Variants in SPNS3 observed in about 807,000 individuals in gnomAD.
The protein encoded by SPNS3 is SPNS lysolipid transporter 3, sphingosine-1-phosphate (putative), also known as protein spinster homolog 3.
Under a neutral mutation model 54.4 loss-of-function variants are expected in SPNS3, and 51 were observed. The ratio of observed to expected loss-of-function variants is 0.94; its 90% CI spans 0.75 to 1.18. SPNS3 has a LOEUF of 1.18. SPNS3 is among the 50% of genes most tolerant of loss of function. The pLI, the probability that SPNS3 is intolerant of heterozygous loss-of-function variation, is 0.00. For missense variants in SPNS3, 669 were observed against 677.4 expected (o/e 0.99, Z 0.14); for synonymous variants, 309 against 294.7 (o/e 1.05, Z -0.50).
At chr17:4,447,078 GGT>G (rs3055435) in intron 5 of SPNS3, 116 bp downstream of exon 5, 810,147 of 969,840 alleles carry the variant, frequency 0.84, 348,988 homozygotes, top group Non-Finnish European at 0.88. Context: ...GGGGACGGGG[GGT>G]GGTGGTCAGG....
chr17:4,464,113 G>A (rs1971616163), intron 8 of SPNS3, among the ~76,000 whole-genome samples: 1 of 152,218 alleles, frequency 6.6e-6, no homozygotes, highest in Non-Finnish European at 1.5e-5. Context: ...ATGGAAATGA[G>A]CTTTTCTGAG....
rs939708945 is a variant in SPNS3, at chr17:4,448,070, C to A, written c.622-85C>A. 13 of 1,365,106 alleles carry A rather than the reference C, an allele frequency of 9.5e-6. No individual in the cohort carries two copies. In the African/African-American group the frequency reaches 1.9e-4, roughly 20 times the overall value. 84.6% of individuals were successfully genotyped at this position (1,365,106 alleles called of 1,614,324 possible). The stretch of plus-strand genomic sequence containing the variant: ...TTGGAAACCAGAGGTCAGCCACTGG[C>A]TGATACTGTGGCCAGTTGCCCCCGG... On this transcript the variant is annotated intron_variant, in intron 5 of 11. Coordinates refer to ENST00000355530, the MANE Select transcript of SPNS3 (RefSeq NM_182538.5).
In SPNS3 at chr17:4,445,975, C is replaced by T. The variant is rs571273331; in HGVS notation, c.403-73C>T. On this transcript the variant is annotated intron_variant, in intron 3 of 11. Transcript: ENST00000355530. ...TGTCATGAGGTCCCCTTGGCTCCTC[C>T]GACAAACCCTCGGGTCCCTGGCCCT... 1.9e-4 allele frequency: 285 copies of T among 1,518,890 alleles called. 2 individuals carry two copies. In the South Asian group the frequency reaches 2.4e-3, roughly 13 times the overall value. 94.1% of individuals were successfully genotyped at this position (1,518,890 alleles called of 1,614,324 possible).
intron 8 of SPNS3, among the ~76,000 whole-genome samples, chr17:4,475,450 A>T (rs531329868): frequency 5.2e-4 from 79 of 152,338 alleles, no homozygotes; most frequent in African/African-American, 1.9e-3. Flanking sequence ...GAACGTGCGG[A>T]TGCAAAACGG....
Position 4,486,384 on chromosome 17 carries a change from T to TGGCAGACTC in SPNS3, c.1279-27_1279-19dup. 6.3e-7 allele frequency: 1 copy of TGGCAGACTC among 1,596,374 alleles called. No individual in the cohort carries two copies. The highest frequency in any genetic ancestry group is 8.5e-7 in the Non-Finnish European group (1 of 1,170,016). On this transcript the variant is annotated intron_variant, in intron 10 of 11. Coordinates refer to ENST00000355530, the MANE Select transcript of SPNS3 (RefSeq NM_182538.5). This position sits in a 1 kb window ranked among gnomAD's most constrained non-coding sequence, Gnocchi z 5.5. ...GGTCTGGGGGCCAGGCTGGTGGGCC[T>TGGCAGACTC]GGCAGACTCATCCCTTCTCCTCCGC...
intron 8 of SPNS3, among the ~76,000 whole-genome samples, chr17:4,468,369 C>T (rs1971742878): frequency 6.6e-6 from 1 of 152,042 alleles, no homozygotes; most frequent in Non-Finnish European, 1.5e-5. Flanking sequence ...GTAATATAGG[C>T]AGGAGATAGT....
At chr17:4,439,407 T>C (rs1297642862) in intron 1 of SPNS3, among the ~76,000 whole-genome samples, 1 of 152,204 alleles carries the variant, frequency 6.6e-6, no homozygotes, top group East Asian at 1.9e-4. Flanking sequence ...ATTACAGGCG[T>C]GAGCCACCGT....
intron 8 of SPNS3, among the ~76,000 whole-genome samples, chr17:4,470,507 C>T (rs955515959): frequency 1.3e-5 from 2 of 152,130 alleles, no homozygotes; most frequent in Non-Finnish European, 2.9e-5. Flanking sequence ...CGTACATTCA[C>T]AGAGTTCTAC....
At chr17:4,475,956 C>T (rs1971983941) in intron 8 of SPNS3, among the ~76,000 whole-genome samples, 1 of 152,200 alleles carries the variant, frequency 6.6e-6, no homozygotes, top group Non-Finnish European at 1.5e-5. Flanking sequence ...GCTGCTGGTG[C>T]TGAAGGGCCC....
At chr17:4,472,775 T>C (rs7222659) in intron 8 of SPNS3, among the ~76,000 whole-genome samples, 1 of 5,966 alleles carries the variant, frequency 1.7e-4, no homozygotes, top group Non-Finnish European at 2.9e-4. Context: ...CTTGGCAGCC[T>C]TTTTTTTTTT....
chr17:4,479,543 A>T (rs1597342757), intron 9 of SPNS3, among the ~76,000 whole-genome samples: 1 of 152,218 alleles, frequency 6.6e-6, no homozygotes, highest in South Asian at 2.1e-4. Flanking sequence ...AAGGACTTTG[A>T]ACACATGAAG....
In SPNS3 at chr17:4,449,244, C is replaced by T. The variant is rs7224464; in HGVS notation, c.780C>T (p.Phe260=). Residue 260 remains phenylalanine, a synonymous_variant, in exon 7 of 12, where the codon TTC becomes TTT. Coordinates refer to ENST00000355530, the MANE Select transcript of SPNS3 (RefSeq NM_182538.5). ...DVRYLGKNWS[F]VWSTLGVTAM... is the part of the protein sequence containing the mutation. ...GCACCTCGTCTTGCAGCTGGAGTTT[C>T]GTGTGGTCGACCCTCGGAGTGACCG... is the stretch of plus-strand genomic sequence containing the variant. The T allele has an allele frequency of 0.68, 1,093,388 of 1,609,812 alleles. 381,817 individuals carry two copies. Among genetic ancestry groups the T allele is most frequent in the Non-Finnish European group, 0.72 (849,517 of 1,179,406 alleles).
At chr17:4,443,757 C>T (rs1262416640) in intron 2 of SPNS3, among the ~76,000 whole-genome samples, 1 of 152,216 alleles carries the variant, frequency 6.6e-6, no homozygotes, top group African/African-American at 2.4e-5. Context: ...ATATAAAAGA[C>T]TATGGGAACT....
At chr17:4,444,838 C>T (rs1970940130) in intron 2 of SPNS3, 194 bp from the exon 3 acceptor site, 14 of 677,794 alleles carry the variant, frequency 2.1e-5, no homozygotes, top group Non-Finnish European at 3.3e-5. Flanking sequence ...TTGAGGCCTC[C>T]ACACTCTGGG....
chr17:4,449,354 C>G lies in SPNS3; in HGVS notation c.890C>G (p.Pro297Arg), dbSNP rs1971094204. The change falls in exon 7 of 12, where the codon CCC becomes CGC. Residue 297 changes from proline (P) to arginine (R), a missense_variant. Pro to Arg is a moderately radical substitution (Grantham distance 103, BLOSUM62 -2). Transcript: ENST00000355530. Reference sequence around the variant, plus strand: ...CGCGTGGTTCACGGGCTGCAGCCTCCCTGCTTCCAGGAGCCGTGCAGCAAC... The same window carrying G: ...CGCGTGGTTCACGGGCTGCAGCCTCGCTGCTTCCAGGAGCCGTGCAGCAAC... ...EARVVHGLQPPCFQEPCSNPD... is the reference protein window; with the variant it reads ...EARVVHGLQPRCFQEPCSNPD... 6.2e-7 allele frequency: 1 copy of G among 1,607,334 alleles called. No homozygotes were observed. Among genetic ancestry groups the G allele is most frequent in the African/African-American group, 1.3e-5 (1 of 74,784 alleles).
At chr17:4,467,012 G>C (rs1429498307) in intron 8 of SPNS3, among the ~76,000 whole-genome samples, 1 of 152,166 alleles carries the variant, frequency 6.6e-6, no homozygotes, top group African/African-American at 2.4e-5. Flanking sequence ...AGCCATGTGG[G>C]TGGGGGTGGA....
At chr17:4,475,070 T>C (rs1597338474) in intron 8 of SPNS3, among the ~76,000 whole-genome samples, 1 of 152,226 alleles carries the variant, frequency 6.6e-6, no homozygotes, top group East Asian at 1.9e-4. Flanking sequence ...TGAGCATGGA[T>C]ACTTCTGTGT....
At chr17:4,484,618 G>C (rs1440626995) in intron 9 of SPNS3, among the ~76,000 whole-genome samples, 1 of 152,192 alleles carries the variant, frequency 6.6e-6, no homozygotes, top group Non-Finnish European at 1.5e-5. Flanking sequence ...ACTGTGCCCA[G>C]CTAATATTGA....
chr17:4,486,706 C>T lies in SPNS3; in HGVS notation c.1450+123C>T. 1 of 1,038,320 alleles carries T rather than the reference C, an allele frequency of 9.6e-7. No individual in the cohort carries two copies. Among genetic ancestry groups the T allele is most frequent in the Non-Finnish European group, 1.4e-6 (1 of 735,282 alleles). The allele number at this position is 1,038,320 out of a possible 1,614,324, so 64.3% of individuals were successfully genotyped here. ...TTCATCCAGAAATGCTTAGTACACC[C>T]CTGCTATGTACCAGGGAAGGTTGCA... On this transcript the variant is annotated intron_variant, in intron 11 of 11. Transcript: ENST00000355530. This position sits in a 1 kb window ranked among gnomAD's most constrained non-coding sequence, Gnocchi z 5.5.
Sources: gnomAD v4.1 joint callset for allele counts (sites outside exome capture counted in the v4.1 genomes callset) on GRCh38, gnomAD v4.1.1 for gene constraint, Gnocchi (gnomAD v3.1) non-coding constraint, MANE v1.5 for transcripts, NCBI Gene and HGNC (gene_info 2026-07-23, HGNC 2026-07-21) for gene names.